The following KCNA2 variants were observed in gnomAD, a reference collection of about 807,000 sequenced individuals.
KCNA2 encodes the protein potassium voltage-gated channel subfamily A member 2.
A neutral mutation model predicts 33.4 loss-of-function variants in KCNA2; 11 were observed. That is an observed-to-expected ratio of 0.33 (90% CI 0.21 to 0.55). KCNA2 has a LOEUF of 0.55. Ranked by LOEUF, KCNA2 falls within the 20% of genes least tolerant of loss-of-function variation. The probability of loss-of-function intolerance (pLI) is 0.93; values close to 1 mark genes in which losing one functional copy is unlikely to be tolerated. For synonymous variants in KCNA2, 222 were observed against 231.3 expected, an observed-to-expected ratio of 0.96 and a Z score of 0.37; for missense variants, 291 against 621.6, an observed-to-expected ratio of 0.47 and a Z score of 5.66.
rs576338073 is a variant in KCNA2, at chr1:110,598,998, T to C, written c.*4285A>G. On this transcript the variant is annotated 3_prime_UTR_variant, in exon 3 of 3. Transcript: ENST00000316361. ...AGGCACTTGATGAAGCCAACAGGAA[T>C]GGTACCTTGACCTGGAAACACAAGT... The C allele has an allele frequency of 1.0e-6, 1 of 985,292 alleles. No individual in the cohort carries two copies. Among genetic ancestry groups the C allele is most frequent in the Admixed American group, 6.1e-5 (1 of 16,268 alleles). The allele number at this position is 985,292 out of a possible 1,614,324, so 61.0% of individuals were successfully genotyped here.
In KCNA2 at chr1:110,593,863, T is replaced by G. The variant is rs943937989; in HGVS notation, c.*9420A>C. 1 of 1,549,496 alleles carries G rather than the reference T, an allele frequency of 6.5e-7. No homozygotes were observed. Among genetic ancestry groups the G allele is most frequent in the African/African-American group, 1.4e-5 (1 of 73,000 alleles). On this transcript the variant is annotated 3_prime_UTR_variant, in exon 3 of 3. Transcript: ENST00000316361. Reference sequence around the variant, plus strand: ...GGGCAGTGTTGGTGGGGCTGAAAGCTTCCAGAATATGTCAGCAAGAATGAT... The same window carrying G: ...GGGCAGTGTTGGTGGGGCTGAAAGCGTCCAGAATATGTCAGCAAGAATGAT...
chr1:110,600,986 T>C lies in KCNA2; in HGVS notation c.*2297A>G, dbSNP rs568139084. On this transcript the variant is annotated 3_prime_UTR_variant, in exon 3 of 3. Coordinates refer to ENST00000316361, the MANE Select transcript of KCNA2 (RefSeq NM_004974.4). ...CCCTGCAATTCACTGTTTGGGAAAA[T>C]TAAGCTACTCCGTCAAAAGGCAAAG... 7.1e-6 allele frequency: 7 copies of C among 985,340 alleles called. No homozygotes were observed. In the South Asian group the frequency reaches 2.3e-4, roughly 33 times the overall value. The allele number at this position is 985,340 out of a possible 1,614,324, so 61.0% of individuals were successfully genotyped here.
Position 110,594,628 on chromosome 1 carries a change from T to C in KCNA2, c.*8655A>G. ...GAGCTTGATCATGGGACTTTCCAGC[T>C]TCCTGGGGCCCTTCAAATGAAGGAA... is the stretch of plus-strand genomic sequence containing the variant. On this transcript the variant is annotated 3_prime_UTR_variant, in exon 3 of 3. Transcript: ENST00000316361. 4.1e-6 allele frequency: 4 copies of C among 985,374 alleles called. No homozygotes were observed. The highest frequency in any genetic ancestry group is 4.8e-6 in the Non-Finnish European group (4 of 829,948). The allele number at this position is 985,374 out of a possible 1,614,324, so 61.0% of individuals were successfully genotyped here.
At chr1:110,612,437 GC>G (rs1417879937) in intron 1 of KCNA2, among the ~76,000 whole-genome samples, 5 of 152,300 alleles carry the variant, frequency 3.3e-5, no homozygotes, top group Non-Finnish European at 7.4e-5. Flanking sequence ...CAAACCAGAA[GC>G]CTGGATGTCC....
In KCNA2 at chr1:110,602,193, G is replaced by A. The variant is rs1649387655; in HGVS notation, c.*1090C>T. 6.5e-7 allele frequency: 1 copy of A among 1,549,744 alleles called. No individual in the cohort carries two copies. The highest frequency in any genetic ancestry group is 8.7e-7 in the Non-Finnish European group (1 of 1,146,728). On this transcript the variant is annotated 3_prime_UTR_variant, in exon 3 of 3. Transcript: ENST00000316361. ...TTCCTGTTTAGAAGAACAGGGATAG[G>A]TAGGCTGGGGGGCCAGAAGTTTTAG...
At chr1:110,622,606 C>G (rs1276387520) in intron 1 of KCNA2, among the ~76,000 whole-genome samples, 1 of 151,876 alleles carries the variant, frequency 6.6e-6, no homozygotes, top group South Asian at 2.1e-4. Flanking sequence ...TGGAATCTAC[C>G]AAAAGAGCTA....
Position 110,594,987 on chromosome 1 carries a change from C to T in KCNA2, c.*8296G>A. ...CTCCTCCTATTGCTTTCTCTAGCAG[C>T]CCAGAGCATTTATTCACTCATACAA... On this transcript the variant is annotated 3_prime_UTR_variant, in exon 3 of 3. Transcript: ENST00000316361. The T allele has an allele frequency of 1.0e-6, 1 of 985,398 alleles. No individual in the cohort carries two copies. Among genetic ancestry groups the T allele is most frequent in the Non-Finnish European group, 1.2e-6 (1 of 829,940 alleles). The allele number at this position is 985,398 out of a possible 1,614,324, so 61.0% of individuals were successfully genotyped here.
At chr1:110,618,606 T>C (rs1262437609) in intron 1 of KCNA2, among the ~76,000 whole-genome samples, 1 of 151,942 alleles carries the variant, frequency 6.6e-6, no homozygotes, top group African/African-American at 2.4e-5. Flanking sequence ...ATGGAGAGGG[T>C]AGAGAGCCCT....
intron 1 of KCNA2, among the ~76,000 whole-genome samples, chr1:110,625,888 C>A (rs1305426958): frequency 6.6e-6 from 1 of 152,166 alleles, no homozygotes; most frequent in Non-Finnish European, 1.5e-5. Flanking sequence ...ATTAAGGCTA[C>A]ACTGAGACAT....
intron 1 of KCNA2, among the ~76,000 whole-genome samples, chr1:110,615,270 G>A (rs1047246003): frequency 6.6e-6 from 1 of 152,186 alleles, no homozygotes; most frequent in Non-Finnish European, 1.5e-5. Flanking sequence ...AGTAGAATTA[G>A]AGGCATGAAA....
rs1203570185 is a variant in KCNA2 at position 110,598,873 on chromosome 1, AC to A, written c.*4409del. ...AAAAGTTTACTCTGAAATTTGACCC[AC>A]TCAGCCACTCTCTCTTCCTGACAAT... On this transcript the variant is annotated 3_prime_UTR_variant, in exon 3 of 3. Coordinates refer to ENST00000316361, the MANE Select transcript of KCNA2 (RefSeq NM_004974.4). 3.0e-6 allele frequency: 3 copies of A among 985,166 alleles called. No individual in the cohort carries two copies. The highest frequency in any genetic ancestry group is 3.6e-6 in the Non-Finnish European group (3 of 829,902). 61.0% of individuals were successfully genotyped at this position (985,166 alleles called of 1,614,324 possible).
chr1:110,598,960 A>G lies in KCNA2; in HGVS notation c.*4323T>C, dbSNP rs1331205474. ...TCCTGAAAACTCCAAGTTTCTTGAA[A>G]ATGAATCCACAGAGGCACTTGATGA... On this transcript the variant is annotated 3_prime_UTR_variant, in exon 3 of 3. Coordinates refer to ENST00000316361, the MANE Select transcript of KCNA2 (RefSeq NM_004974.4). 1.0e-6 allele frequency: 1 copy of G among 985,296 alleles called. No homozygotes were observed. Among genetic ancestry groups the G allele is most frequent in the Non-Finnish European group, 1.2e-6 (1 of 829,936 alleles). The allele number at this position is 985,296 out of a possible 1,614,324, so 61.0% of individuals were successfully genotyped here. A position where few individuals can be genotyped will look rare whatever the true frequency, so the allele number is the denominator to read the frequency against.
intron 1 of KCNA2, among the ~76,000 whole-genome samples, chr1:110,627,728 A>G (rs983768755): frequency 6.6e-6 from 1 of 152,094 alleles, no homozygotes; most frequent in African/African-American, 2.4e-5. Flanking sequence ...CATAATTATA[A>G]AAAATGTTAA....
Position 110,598,179 on chromosome 1 carries a change from C to G in KCNA2, c.*5104G>C, listed in dbSNP as rs878872208. The G allele has an allele frequency of 4.8e-6, 3 of 629,062 alleles. No individual in the cohort carries two copies. The highest frequency in any genetic ancestry group is 5.9e-6 in the Non-Finnish European group (3 of 504,806). 39.0% of individuals were successfully genotyped at this position (629,062 alleles called of 1,614,324 possible). On this transcript the variant is annotated 3_prime_UTR_variant, in exon 3 of 3. Coordinates refer to ENST00000316361, the MANE Select transcript of KCNA2 (RefSeq NM_004974.4). ...GAACCTCCATTGTGCAACCAAGGAGCACCATGGATATTATAGCCCTCGCAG... is the reference window on the plus strand; with the variant it reads ...GAACCTCCATTGTGCAACCAAGGAGGACCATGGATATTATAGCCCTCGCAG...
Position 110,594,308 on chromosome 1 carries a change from C to T in KCNA2, c.*8975G>A, listed in dbSNP as rs867099266. ...CTCTCTCTCTCTATATATATATATACATATATATATATATGTGTGTGTATA... is the reference window on the plus strand; with the variant it reads ...CTCTCTCTCTCTATATATATATATATATATATATATATATGTGTGTGTATA... On this transcript the variant is annotated 3_prime_UTR_variant, in exon 3 of 3. Coordinates refer to ENST00000316361, the MANE Select transcript of KCNA2 (RefSeq NM_004974.4). The T allele has an allele frequency of 8.6e-4, 613 of 716,106 alleles. No homozygotes were observed. Among genetic ancestry groups the T allele is most frequent in the Middle Eastern group, 2.1e-3 (3 of 1,434 alleles). The allele number at this position is 716,106 out of a possible 1,614,324, so 44.4% of individuals were successfully genotyped here. A position where few individuals can be genotyped will look rare whatever the true frequency, so the allele number is the denominator to read the frequency against.
At chr1:110,623,654 C>A (rs1174872840) in intron 1 of KCNA2, among the ~76,000 whole-genome samples, 6 of 152,190 alleles carry the variant, frequency 3.9e-5, no homozygotes, top group African/African-American at 1.4e-4. Context: ...TTTGGACTCC[C>A]AAAATCCTGG....
At position 110,595,070 on chromosome 1, in the gene KCNA2, C is replaced by T. The variant is rs1252213337; in HGVS notation, c.*8213G>A. 2.0e-6 allele frequency: 2 copies of T among 985,266 alleles called. No individual in the cohort carries two copies. The highest frequency in any genetic ancestry group is 3.5e-5 in the African/African-American group (2 of 57,210). The allele number at this position is 985,266 out of a possible 1,614,324, so 61.0% of individuals were successfully genotyped here. A position where few individuals can be genotyped will look rare whatever the true frequency, so the allele number is the denominator to read the frequency against. On this transcript the variant is annotated 3_prime_UTR_variant, in exon 3 of 3. Transcript: ENST00000316361. ...AAGGAGAAGCAGGGCTTAGAGGCCT[C>T]TCACAGAGACTCAGAAAGACACCAG...
intron 1 of KCNA2, among the ~76,000 whole-genome samples, chr1:110,625,275 C>T (rs1482247608): frequency 6.6e-6 from 1 of 152,078 alleles, no homozygotes; most frequent in Non-Finnish European, 1.5e-5. Context: ...GTGTGGTGGT[C>T]CCAGCACATA....
In KCNA2 at chr1:110,597,538, A is replaced by G. The variant is rs12086457; in HGVS notation, c.*5745T>C. ...GAGAGGTGCACACAGGAAGGAGACAAAGTGACAAAGCCCTCTCACAGGCCT... is the reference window on the plus strand; with the variant it reads ...GAGAGGTGCACACAGGAAGGAGACAGAGTGACAAAGCCCTCTCACAGGCCT... On this transcript the variant is annotated 3_prime_UTR_variant, in exon 3 of 3. Coordinates refer to ENST00000316361, the MANE Select transcript of KCNA2 (RefSeq NM_004974.4). 0.37 allele frequency: 360,126 copies of G among 984,820 alleles called. 69,954 individuals are homozygous for G. Among genetic ancestry groups the G allele is most frequent in the East Asian group, 0.72 (6,299 of 8,790 alleles). 61.0% of individuals were successfully genotyped at this position (984,820 alleles called of 1,614,324 possible).
Sources: gnomAD v4.1 joint callset for allele counts (sites outside exome capture counted in the v4.1 genomes callset) on GRCh38, gnomAD v4.1.1 for gene constraint, MANE v1.5 for transcripts, NCBI Gene and HGNC (gene_info 2026-07-23, HGNC 2026-07-21) for gene names.